ERC2: variants seen among roughly 807,000 people sequenced by gnomAD.
ERC2 encodes ELKS/RAB6-interacting/CAST family member 2, also known as ERC protein 2.
Under a neutral mutation model 114.8 loss-of-function variants are expected in ERC2, and 42 were observed. That is an observed-to-expected ratio of 0.37 (90% CI 0.29 to 0.47). The LOEUF (loss-of-function observed/expected upper bound fraction) is 0.47. Ranked by LOEUF, ERC2 falls within the 20% of genes least tolerant of loss-of-function variation. ERC2 has a pLI of 0.99. For synonymous variants in ERC2, 454 were observed against 425.5 expected (o/e 1.07, Z -0.82); for missense variants, 939 against 1,150.7 (o/e 0.82, Z 2.66).
rs141587058 is a variant in ERC2, at chr3:55,987,223, T to C, written c.2256-1235A>G. ...CAACTGATCTAAAATGAGAGTTATG[T>C]CAGGACACGATCACTGTGGGGACTT... On this transcript the variant is annotated intron_variant, in intron 11 of 17. Coordinates refer to ENST00000288221, the MANE Select transcript of ERC2 (RefSeq NM_015576.3). Among the ~76,000 whole-genome samples, 926 of 152,322 alleles carry C rather than the reference T, an allele frequency of 6.1e-3. 5 individuals are homozygous for C. Among genetic ancestry groups the C allele is most frequent in the Non-Finnish European group, 8.9e-3 (604 of 68,020 alleles).
At chr3:55,679,005 C>T (rs2061937109) in intron 17 of ERC2, among the ~76,000 whole-genome samples, 1 of 152,208 alleles carries the variant, frequency 6.6e-6, no homozygotes, top group African/African-American at 2.4e-5. Flanking sequence ...TTCTGCTCTT[C>T]CTGCCACGAC....
At position 55,967,824 on chromosome 3, in the gene ERC2, C is replaced by A. The variant is rs540254688; in HGVS notation, c.2268-17264G>T. Among the ~76,000 whole-genome samples the A allele has an allele frequency of 3.3e-5, 5 of 152,284 alleles. No individual in the cohort carries two copies. In the South Asian group the frequency reaches 1.0e-3, roughly 32 times the overall value. On this transcript the variant is annotated intron_variant, in intron 12 of 17. Transcript: ENST00000288221. ...TATGAAAGGACAAGTTCAGCCCTCT[C>A]TCACCGTTTCTGTTGTACTCTCTTG...
intron 14 of ERC2, among the ~76,000 whole-genome samples, chr3:55,748,623 A>C (rs2066461190): frequency 6.6e-6 from 1 of 152,222 alleles, no homozygotes; most frequent in African/African-American, 2.4e-5. Flanking sequence ...GATATCCCTG[A>C]ATCCTGTTTC....
intron 4 of ERC2, among the ~76,000 whole-genome samples, chr3:56,152,625 T>A (rs2081483353): frequency 6.6e-6 from 1 of 152,174 alleles, no homozygotes; most frequent in Non-Finnish European, 1.5e-5. Flanking sequence ...AATTGTTTTG[T>A]CTTTATATTA....
At chr3:56,386,925 A>G (rs2059954034) in intron 2 of ERC2, among the ~76,000 whole-genome samples, 1 of 152,224 alleles carries the variant, frequency 6.6e-6, no homozygotes, top group Non-Finnish European at 1.5e-5. Context: ...AGTGGTTGCA[A>G]CAGGGCCTGA....
chr3:56,040,945 A>G (rs1007737289), intron 7 of ERC2, among the ~76,000 whole-genome samples: 1 of 151,550 alleles, frequency 6.6e-6, no homozygotes, highest in South Asian at 2.1e-4. Context: ...TTTCCACTCT[A>G]CCGTTGAGTC....
At chr3:55,923,306 C>T (rs916675650) in intron 13 of ERC2, among the ~76,000 whole-genome samples, 14 of 152,020 alleles carry the variant, frequency 9.2e-5, no homozygotes, top group Non-Finnish European at 1.6e-4. Context: ...TTGTATGACT[C>T]GGCTCATTTG....
intron 2 of ERC2, among the ~76,000 whole-genome samples, chr3:56,319,212 C>T (rs1045447547): frequency 4.0e-5 from 6 of 151,356 alleles, no homozygotes; most frequent in African/African-American, 1.5e-4. Flanking sequence ...GCATTATTAA[C>T]AATAGCCAAG....
intron 14 of ERC2, among the ~76,000 whole-genome samples, chr3:55,793,268 CA>C: frequency 6.6e-6 from 1 of 152,144 alleles, no homozygotes; most frequent in Non-Finnish European, 1.5e-5. Flanking sequence ...GCTATAAACA[CA>C]AAAAGGTGAG....
intron 15 of ERC2, among the ~76,000 whole-genome samples, chr3:55,706,470 C>T (rs1030865503): frequency 2.6e-5 from 4 of 152,130 alleles, no homozygotes; most frequent in African/African-American, 9.7e-5. Flanking sequence ...AATCTCGGCT[C>T]ACTGTAACCT....
intron 17 of ERC2, among the ~76,000 whole-genome samples, chr3:55,623,778 T>A (rs923662385): frequency 6.6e-6 from 1 of 152,200 alleles, no homozygotes; most frequent in African/African-American, 2.4e-5. Flanking sequence ...GGGTCCTGCA[T>A]CAGGAATAAG....
chr3:55,884,980 G>A (rs1449757735), intron 14 of ERC2, among the ~76,000 whole-genome samples: 1 of 152,108 alleles, frequency 6.6e-6, no homozygotes, highest in Non-Finnish European at 1.5e-5. Context: ...GAAAACTGAG[G>A]CAACCAGAGA....
intron 2 of ERC2, among the ~76,000 whole-genome samples, chr3:56,313,367 TA>T (rs1273699625): frequency 6.6e-6 from 1 of 152,088 alleles, no homozygotes; most frequent in African/African-American, 2.4e-5. Flanking sequence ...TATATCTCAA[TA>T]AAGCTGTTAA....
At chr3:55,944,804 G>C (rs1381914405) in intron 13 of ERC2, among the ~76,000 whole-genome samples, 1 of 152,156 alleles carries the variant, frequency 6.6e-6, no homozygotes, top group Non-Finnish European at 1.5e-5. Context: ...TAGTGTGAAA[G>C]AAAAACAAAT....
At chr3:55,821,415 T>A (rs1160535436) in intron 14 of ERC2, among the ~76,000 whole-genome samples, 1 of 152,194 alleles carries the variant, frequency 6.6e-6, no homozygotes, top group African/African-American at 2.4e-5. Context: ...GTGAAGGGGC[T>A]GAGTGCTACT....
chr3:56,415,228 T>C (rs1439859446), intron 2 of ERC2, among the ~76,000 whole-genome samples: 1 of 152,222 alleles, frequency 6.6e-6, no homozygotes, highest in Non-Finnish European at 1.5e-5. Flanking sequence ...AAAAAACTGC[T>C]ATATTCAGGA....
chr3:55,804,181 T>C (rs1471136396), intron 14 of ERC2, among the ~76,000 whole-genome samples: 1 of 152,184 alleles, frequency 6.6e-6, no homozygotes, highest in Non-Finnish European at 1.5e-5. Flanking sequence ...ACAATAATAA[T>C]CGAATCCCTC....
intron 2 of ERC2, among the ~76,000 whole-genome samples, chr3:56,424,985 C>A (rs2061511558): frequency 6.6e-6 from 1 of 152,198 alleles, no homozygotes; most frequent in South Asian, 2.1e-4. Flanking sequence ...TTCTTAAGTT[C>A]TCAGGCCCCA....
chr3:56,240,756 T>C (rs1473686732), intron 3 of ERC2, among the ~76,000 whole-genome samples: 1 of 152,226 alleles, frequency 6.6e-6, no homozygotes, highest in African/African-American at 2.4e-5. Flanking sequence ...AACATTTGTG[T>C]AAAACGACCA....
Sources: gnomAD v4.1 joint callset for allele counts (sites outside exome capture counted in the v4.1 genomes callset) on GRCh38, gnomAD v4.1.1 for gene constraint, MANE v1.5 for transcripts, NCBI Gene and HGNC (gene_info 2026-07-23, HGNC 2026-07-21) for gene names.